Variants in MAF observed in about 807,000 individuals in gnomAD.
MAF encodes transcription factor Maf.
Under a neutral mutation model 22.0 loss-of-function variants are expected in MAF, and 10 were observed. The observed-to-expected ratio is 0.45, with a 90% confidence interval of 0.28 to 0.77. The LOEUF is 0.77. Ranked by LOEUF, MAF falls within the 30% of genes least tolerant of loss-of-function variation. MAF has a pLI of 0.12. For missense variants in MAF, 544 were observed against 548.4 expected (o/e 0.99, Z 0.08); for synonymous variants, 337 against 255.8 (o/e 1.32, Z -3.03).
At chr16:79,343,833 C>G in the MAF span, among the ~76,000 whole-genome samples, 6 of 152,288 alleles carry the variant, frequency 3.9e-5, no homozygotes, top group Non-Finnish European at 8.8e-5. Flanking sequence ...CTTCCTACCC[C>G]CCACGGTCCC....
downstream of MAF, among the ~76,000 whole-genome samples, chr16:79,581,733 C>G (rs954870073): frequency 6.6e-5 from 10 of 152,220 alleles, no homozygotes; most frequent in Admixed American, 5.2e-4. Flanking sequence ...CGACAAAAAT[C>G]TGCCTTCACC....
At chr16:79,315,849 T>C in the MAF span, among the ~76,000 whole-genome samples, 1 of 152,198 alleles carries the variant, frequency 6.6e-6, no homozygotes, top group Non-Finnish European at 1.5e-5. Context: ...CCTTCAAAAA[T>C]TAAGATAAAA....
At chr16:79,313,440 C>T in the MAF span, among the ~76,000 whole-genome samples, 2 of 152,086 alleles carry the variant, frequency 1.3e-5, no homozygotes, top group African/African-American at 4.8e-5. Context: ...TGTTGAGTTC[C>T]CCAGGCATCA....
the MAF span, among the ~76,000 whole-genome samples, chr16:79,429,225 C>T: frequency 6.6e-6 from 1 of 152,184 alleles, no homozygotes; most frequent in Admixed American, 6.5e-5. Flanking sequence ...ACTGGCCTAT[C>T]TCTGGGCGAG....
the MAF span, among the ~76,000 whole-genome samples, chr16:79,398,300 A>G: frequency 6.6e-6 from 1 of 152,234 alleles, no homozygotes; most frequent in African/African-American, 2.4e-5. Flanking sequence ...TCAACTGATT[A>G]GTGACGTTAA....
the MAF span, among the ~76,000 whole-genome samples, chr16:79,442,255 G>A: frequency 1.3e-5 from 2 of 152,288 alleles, no homozygotes; most frequent in African/African-American, 4.8e-5. Context: ...CCAAGATATC[G>A]GTGATGACAT....
the MAF span, among the ~76,000 whole-genome samples, chr16:79,343,391 A>G: frequency 6.6e-6 from 1 of 152,182 alleles, no homozygotes; most frequent in Non-Finnish European, 1.5e-5. Flanking sequence ...AGATGCAACG[A>G]GCATATTTGG....
At chr16:79,413,124 T>C in the MAF span, among the ~76,000 whole-genome samples, 2 of 151,222 alleles carry the variant, frequency 1.3e-5, no homozygotes, top group African/African-American at 2.4e-5. Context: ...CCAGGACAAG[T>C]TGTGACATAA....
chr16:79,307,384 C>T, the MAF span, among the ~76,000 whole-genome samples: 1 of 152,232 alleles, frequency 6.6e-6, no homozygotes, highest in African/African-American at 2.4e-5. Context: ...CAGCCCGGGT[C>T]CCTGGGCATG....
the MAF span, among the ~76,000 whole-genome samples, chr16:79,426,606 G>A: frequency 6.6e-6 from 1 of 152,122 alleles, no homozygotes; most frequent in Non-Finnish European, 1.5e-5. Flanking sequence ...ACCCAGGCCT[G>A]ACCAAACAGA....
Position 79,598,803 on chromosome 16 carries a change from G to T in MAF, c.1100C>A (p.Ser367Tyr). 1 of 1,613,866 alleles carries T rather than the reference G, an allele frequency of 6.2e-7. No homozygotes were observed. The highest frequency in any genetic ancestry group is 8.5e-7 in the Non-Finnish European group (1 of 1,179,996). The stretch of plus-strand genomic sequence containing the variant: ...GACTCACATGAAAAACTCGGGAGAG[G>T]ACGGGTTGTCGCTGCTCGAGCCGTT... ...RENGSSSDNPSSPEFFITEPT... is the reference protein window; with the variant it reads ...RENGSSSDNPYSPEFFITEPT... Residue 367 changes from serine (S) to tyrosine (Y), a missense_variant, in exon 1 of 2, where the codon TCC (serine) becomes TAC (tyrosine). Coordinates refer to ENST00000326043, the MANE Select transcript of MAF (RefSeq NM_005360.5).
chr16:79,243,943 T>C, the MAF span, among the ~76,000 whole-genome samples: 8 of 152,026 alleles, frequency 5.3e-5, 1 homozygote, highest in Middle Eastern at 3.4e-3. Context: ...ATCCGTTACA[T>C]AAACAAAACC....
chr16:79,497,104 A>G, the MAF span, among the ~76,000 whole-genome samples: 2 of 152,198 alleles, frequency 1.3e-5, no homozygotes, highest in Admixed American at 1.3e-4. Context: ...CCAAAATGCA[A>G]TGCCAGTGAC....
chr16:79,579,475 CA>C, the MAF span, among the ~76,000 whole-genome samples: 1 of 152,192 alleles, frequency 6.6e-6, no homozygotes, highest in African/African-American at 2.4e-5. Context: ...AGCAAAACCC[CA>C]AAGTCGGTTT....
chr16:79,216,967 G>A, the MAF span, among the ~76,000 whole-genome samples: 4 of 152,140 alleles, frequency 2.6e-5, no homozygotes, highest in East Asian at 5.8e-4. Context: ...CCGCCACCAT[G>A]CCTGGCTAAT....
At chr16:79,464,264 G>A in the MAF span, among the ~76,000 whole-genome samples, 8 of 152,174 alleles carry the variant, frequency 5.3e-5, no homozygotes, top group African/African-American at 1.9e-4. Context: ...GGCCAGACAG[G>A]TAAATGCAAG....
At chr16:79,232,296 G>C in the MAF span, among the ~76,000 whole-genome samples, 1 of 151,970 alleles carries the variant, frequency 6.6e-6, no homozygotes, top group African/African-American at 2.4e-5. Flanking sequence ...TGAATTTGGG[G>C]AGATATGAAT....
At chr16:79,304,360 C>G in the MAF span, among the ~76,000 whole-genome samples, 1 of 152,170 alleles carries the variant, frequency 6.6e-6, no homozygotes, top group African/African-American at 2.4e-5. Context: ...CTGGGTGATA[C>G]TGTATCGTAT....
chr16:79,502,119 C>T, the MAF span, among the ~76,000 whole-genome samples: 6 of 152,120 alleles, frequency 3.9e-5, no homozygotes, highest in Non-Finnish European at 8.8e-5. Context: ...TTCTCCCAGC[C>T]GAGTACCCTC....
Sources: gnomAD v4.1 joint callset for allele counts (sites outside exome capture counted in the v4.1 genomes callset) on GRCh38, gnomAD v4.1.1 for gene constraint, MANE v1.5 for transcripts, NCBI Gene and HGNC (gene_info 2026-07-23, HGNC 2026-07-21) for gene names.